TDRD9: variants seen among roughly 807,000 people sequenced by gnomAD.
The protein encoded by TDRD9 is ATP-dependent RNA helicase TDRD9.
TDRD9 carries 124 observed loss-of-function variants against 172.6 expected under a neutral mutation model. The ratio of observed to expected loss-of-function variants is 0.72; its 90% CI spans 0.62 to 0.83. The LOEUF (loss-of-function observed/expected upper bound fraction) is 0.83. Ranked by LOEUF, TDRD9 falls within the 40% of genes least tolerant of loss-of-function variation. The pLI, the probability that TDRD9 is intolerant of heterozygous loss-of-function variation, is 0.00. For missense variants in TDRD9, 1,479 were observed against 1,714.1 expected (o/e 0.86, Z 2.42); for synonymous variants, 619 against 617.1 (o/e 1.00, Z -0.05).
chr14:103,971,492 G>A (rs1426695115), intron 6 of TDRD9, among the ~76,000 whole-genome samples: 1 of 151,652 alleles, frequency 6.6e-6, no homozygotes, highest in Non-Finnish European at 1.5e-5. Context: ...GTAGTTTTTG[G>A]TATAGATGGG....
intron 2 of TDRD9, among the ~76,000 whole-genome samples, chr14:103,956,146 ATAT>A (rs2032227638): frequency 1.8e-5 from 2 of 114,148 alleles, no homozygotes; most frequent in Non-Finnish European, 3.4e-5. Context: ...ATATATATAT[ATAT>A]AATTATTAGG....
intron 20 of TDRD9, among the ~76,000 whole-genome samples, chr14:104,010,905 C>T (rs1180560428): frequency 6.6e-6 from 1 of 152,206 alleles, no homozygotes; most frequent in Admixed American, 6.5e-5. Flanking sequence ...TAAGTGGGCC[C>T]TCGCTGTTCA....
At chr14:103,947,149 A>G (rs1279363415) in intron 1 of TDRD9, among the ~76,000 whole-genome samples, 1 of 152,192 alleles carries the variant, frequency 6.6e-6, no homozygotes, top group African/African-American at 2.4e-5. Flanking sequence ...CTACAAAGCT[A>G]CAATCATCAA....
At chr14:104,002,691 G>GT (rs964987674) in intron 13 of TDRD9, among the ~76,000 whole-genome samples, 2 of 151,568 alleles carry the variant, frequency 1.3e-5, no homozygotes, top group Non-Finnish European at 2.9e-5. Flanking sequence ...CTTAAAATAT[G>GT]TAAGGAGGCA....
At chr14:103,948,271 C>T (rs1346134154) in intron 1 of TDRD9, among the ~76,000 whole-genome samples, 1 of 152,036 alleles carries the variant, frequency 6.6e-6, no homozygotes, top group Non-Finnish European at 1.5e-5. Flanking sequence ...CCCACCTTCA[C>T]CTCCCAAAGT....
At chr14:103,966,861 A>G in intron 5 of TDRD9, 30 bp downstream of exon 5, 1 of 1,533,984 alleles carries the variant, frequency 6.5e-7, no homozygotes, top group Non-Finnish European at 8.8e-7. Context: ...TGTAAAGGTC[A>G]TATTTATCTC....
chr14:103,981,592 G>A (rs764142890), intron 7 of TDRD9, among the ~76,000 whole-genome samples: 19 of 152,182 alleles, frequency 1.2e-4, no homozygotes, highest in Non-Finnish European at 2.6e-4. Context: ...GACTTGTAAT[G>A]GGGTTATGCC....
chr14:104,049,120 A>ATGTATGTGTGTG (rs1555377358), intron 34 of TDRD9, among the ~76,000 whole-genome samples: 1 of 101,874 alleles, frequency 9.8e-6, no homozygotes, highest in Non-Finnish European at 2.2e-5. Flanking sequence ...GTATGTATGT[A>ATGTATGTGTGTG]TGTGTGTGTG....
At chr14:104,019,256 T>G (rs2034880745) in intron 23 of TDRD9, among the ~76,000 whole-genome samples, 1 of 152,214 alleles carries the variant, frequency 6.6e-6, no homozygotes, top group Non-Finnish European at 1.5e-5. Context: ...TCAGAAGGCT[T>G]GGCTCCCAGA....
intron 35 of TDRD9, among the ~76,000 whole-genome samples, chr14:104,051,692 C>A (rs1257932911): frequency 1.3e-5 from 2 of 152,184 alleles, no homozygotes; most frequent in Admixed American, 6.5e-5. Context: ...TTGCACTTCT[C>A]TGATGATTAC....
intron 23 of TDRD9, among the ~76,000 whole-genome samples, chr14:104,019,488 T>G (rs1222519922): frequency 1.3e-5 from 2 of 152,194 alleles, no homozygotes; most frequent in Non-Finnish European, 2.9e-5. Context: ...GGTGTTTATA[T>G]CTTTTGCATT....
At chr14:104,016,806 C>G (rs530934538) in intron 22 of TDRD9, among the ~76,000 whole-genome samples, 4 of 152,140 alleles carry the variant, frequency 2.6e-5, no homozygotes, top group African/African-American at 9.7e-5. Flanking sequence ...GAAGTTCCTT[C>G]GTGTCATATC....
chr14:103,990,413 T>A (rs933120326), intron 8 of TDRD9, among the ~76,000 whole-genome samples: 6 of 152,244 alleles, frequency 3.9e-5, no homozygotes, highest in African/African-American at 1.4e-4. Context: ...TGCCACTGCA[T>A]GGCTTTTCCA....
At chr14:103,996,370 T>C (rs1460101562) in intron 12 of TDRD9, among the ~76,000 whole-genome samples, 1 of 152,228 alleles carries the variant, frequency 6.6e-6, no homozygotes, top group East Asian at 1.9e-4. Context: ...TGCTACGTTC[T>C]GGTGGGAGAG....
At chr14:103,937,500 T>C (rs902838651) in intron 1 of TDRD9, among the ~76,000 whole-genome samples, 1 of 152,202 alleles carries the variant, frequency 6.6e-6, no homozygotes, top group Non-Finnish European at 1.5e-5. Flanking sequence ...TCTAGTCTTT[T>C]AAACAACTTT....
chr14:104,008,119 G>A (rs1196876344), intron 19 of TDRD9, among the ~76,000 whole-genome samples: 1 of 152,012 alleles, frequency 6.6e-6, no homozygotes, highest in African/African-American at 2.4e-5. Context: ...TTTTCTTGTT[G>A]GTATATAATT....
rs552577327 is a variant in TDRD9, at chr14:103,998,532, G to A, written c.1379-92G>A. ...TGTTCACTAATTCTTAAGGCTGCAT[G>A]TTTCAAATGGCTTTATCACTATGCA... On this transcript the variant is annotated intron_variant, in intron 12 of 35. Transcript: ENST00000409874. 87 of 779,900 alleles carry A rather than the reference G, an allele frequency of 1.1e-4. No individual in the cohort carries two copies. The South Asian group carries it at 1.3e-3, about 12-fold the overall frequency. The allele number at this position is 779,900 out of a possible 1,614,324, so 48.3% of individuals were successfully genotyped here. A position where few individuals can be genotyped will look rare whatever the true frequency, so the allele number is the denominator to read the frequency against.
intron 1 of TDRD9, 38 bp downstream of exon 1, chr14:103,928,762 C>A: frequency 1.2e-6 from 1 of 834,392 alleles, no homozygotes; most frequent in Non-Finnish European, 1.5e-6. Flanking sequence ...TGGAGGGCGG[C>A]CGGGCGAGGC....
At chr14:103,990,206 A>C (rs1052092241) in intron 8 of TDRD9, among the ~76,000 whole-genome samples, 3 of 152,222 alleles carry the variant, frequency 2.0e-5, no homozygotes, top group African/African-American at 7.2e-5. Context: ...ATGCAGGCCC[A>C]TCTACAAACC....
Sources: gnomAD v4.1 joint callset for allele counts (sites outside exome capture counted in the v4.1 genomes callset) on GRCh38, gnomAD v4.1.1 for gene constraint, MANE v1.5 for transcripts, NCBI Gene and HGNC (gene_info 2026-07-23, HGNC 2026-07-21) for gene names.